The following MAGEE2 variants were observed in gnomAD, a reference collection of about 807,000 sequenced individuals.
MAGEE2 encodes the protein MAGE family member E2, also known as melanoma-associated antigen E2.
For missense variants in MAGEE2, 508 were observed against 391.1 expected, an observed-to-expected ratio of 1.30 and a Z score of -2.52; for synonymous variants, 189 against 155.4, an observed-to-expected ratio of 1.22 and a Z score of -1.61.
Position 75,784,525 on chromosome X carries a change from TTTGG to T in MAGEE2, c.523_526del (p.Pro175LysfsTer7). ...TAGGACTAGGGCCAGGAGACTTGCT[TTTGG>T]CATGTCCAGGGACTCCGCTATCCTA... On this transcript the variant is annotated frameshift_variant, in exon 1 of 1. Coordinates refer to ENST00000373359, the MANE Select transcript of MAGEE2 (RefSeq NM_138703.5). LOFTEE classifies it low-confidence loss of function (END_TRUNC). The T allele has an allele frequency of 8.3e-7, 1 of 1,211,449 alleles. No homozygotes were observed. The highest frequency in any genetic ancestry group is 1.1e-6 in the Non-Finnish European group (1 of 895,395).
Position 75,783,331 on chromosome X carries a change from A to G in MAGEE2, c.*149T>C, listed in dbSNP as rs2087859728. The G allele has an allele frequency of 3.5e-6, 2 of 575,430 alleles. No homozygotes were observed. Among genetic ancestry groups the G allele is most frequent in the Non-Finnish European group, 5.2e-6 (2 of 386,288 alleles). The allele number at this position is 575,430 out of a possible 1,213,427, so 47.4% of individuals were successfully genotyped here. ...AAGAGTATATTAAAAGGAAGGAAATACTACTAGAATTGGAACACAGACAGC... is the reference window on the plus strand; with the variant it reads ...AAGAGTATATTAAAAGGAAGGAAATGCTACTAGAATTGGAACACAGACAGC... On this transcript the variant is annotated 3_prime_UTR_variant, in exon 1 of 1. Transcript: ENST00000373359.
chrX:75,783,734 T>C lies in MAGEE2; in HGVS notation c.1318A>G (p.Ile440Val), dbSNP rs933999638. Residue 440 changes from isoleucine (I) to valine (V), a missense_variant, in exon 1 of 1, where the codon ATC (isoleucine) becomes GTC (valine). By Grantham distance (29) the Ile-to-Val change is conservative (BLOSUM62 3). Transcript: ENST00000373359. ...FSVDVGRKHS[I>V]TRKLMRQRYL... ...CGCTGTCTCATAAGCTTACGGGTGA[T>C]GGAATGCTTTCTCCCTACATCCACA... 8.3e-7 allele frequency: 1 copy of C among 1,211,915 alleles called. No individual in the cohort carries two copies. The highest frequency in any genetic ancestry group is 2.2e-5 in the Admixed American group (1 of 46,054).
At position 75,785,197 on chromosome X, in the gene MAGEE2, C is replaced by G; in HGVS notation, c.-146G>C. ...AGTGAAATCTGGTGTGAAGAGCGAT[C>G]TTTCTACACAAGTGCTGGCCAGCAA... On this transcript the variant is annotated 5_prime_UTR_variant, in exon 1 of 1. Transcript: ENST00000373359. The G allele has an allele frequency of 1.6e-6, 1 of 609,360 alleles. No homozygotes were observed. The highest frequency in any genetic ancestry group is 2.3e-6 in the Non-Finnish European group (1 of 432,411). 50.2% of individuals were successfully genotyped at this position (609,360 alleles called of 1,213,427 possible).
chrX:75,785,020 C>T lies in MAGEE2; in HGVS notation c.32G>A (p.Cys11Tyr), dbSNP rs2087880927. 1 of 1,129,648 alleles carries T rather than the reference C, an allele frequency of 8.9e-7. No homozygotes were observed. Among genetic ancestry groups the T allele is most frequent in the African/African-American group, 1.8e-5 (1 of 54,483 alleles). The allele number at this position is 1,129,648 out of a possible 1,213,427, so 93.1% of individuals were successfully genotyped here. ...GTAATCTGCAGTGATCTCTGCGCTA[C>T]AGTGGCGTGCATTCTGGCTTACCAG... MSLVSQNARH[C>Y]SAEITADYGD... Residue 11 changes from cysteine (C) to tyrosine (Y), a missense_variant, in exon 1 of 1, where the codon TGT becomes TAT. By Grantham distance (194) the Cys-to-Tyr change is radical (BLOSUM62 -2). Transcript: ENST00000373359.
At position 75,784,556 on chromosome X, in the gene MAGEE2, C is replaced by T. The variant is rs778034521; in HGVS notation, c.496G>A (p.Asp166Asn). The T allele has an allele frequency of 5.8e-6, 7 of 1,208,990 alleles. No homozygotes were observed. The highest frequency in any genetic ancestry group is 7.8e-6 in the Non-Finnish European group (7 of 894,869). ...ATGTCCAGGGACTCCGCTATCCTAT[C>T]GGTGATCTGGAAACCCCGTTTGCTG... ...LVSKRGFQIT[D>N]RIAESLDMPK... The change falls in exon 1 of 1, where the codon GAT (aspartate) becomes AAT (asparagine). Residue 166 changes from aspartate (D) to asparagine (N), a missense_variant. By Grantham distance (23) the Asp-to-Asn change is conservative. Coordinates refer to ENST00000373359, the MANE Select transcript of MAGEE2 (RefSeq NM_138703.5).
chrX:75,784,110 C>G lies in MAGEE2; in HGVS notation c.942G>C (p.Lys314Asn), dbSNP rs747762301. Residue 314 changes from lysine to asparagine, a missense_variant, in exon 1 of 1, where the codon AAG becomes AAC. Transcript: ENST00000373359. The stretch of plus-strand genomic sequence containing the variant: ...TAGCCAACTGGACCAAATCATTTGC[C>G]TTATCATTCATAGTGTCCTCCGACC... ...EFWSEDTMND[K>N]ANDLVQLAIS... The G allele has an allele frequency of 8.3e-7, 1 of 1,211,624 alleles. No homozygotes were observed. Among genetic ancestry groups the G allele is most frequent in the South Asian group, 1.8e-5 (1 of 57,006 alleles).
chrX:75,783,918 G>A lies in MAGEE2; in HGVS notation c.1134C>T (p.Tyr378=), dbSNP rs773260239. 8.1e-5 allele frequency: 98 copies of A among 1,209,894 alleles called. No homozygotes were observed. Among genetic ancestry groups the A allele is most frequent in the Non-Finnish European group, 1.1e-4 (96 of 895,202 alleles). The change falls in exon 1 of 1, where the codon TAC becomes TAT. Residue 378 remains tyrosine, a synonymous_variant. Coordinates refer to ENST00000373359, the MANE Select transcript of MAGEE2 (RefSeq NM_138703.5). The part of the protein sequence containing the change: ...LIEVDTSEHI[Y]LLVQQPESEE... ...CTGATTCTGGTTGCTGGACAAGGAG[G>A]TAGATGTGCTCACTGGTATCAACCT...
chrX:75,783,350 A>T lies in MAGEE2; in HGVS notation c.*130T>A, dbSNP rs2087859869. 1 of 741,514 alleles carries T rather than the reference A, an allele frequency of 1.3e-6. No individual in the cohort carries two copies. Among genetic ancestry groups the T allele is most frequent in the African/African-American group, 2.1e-5 (1 of 47,647 alleles). 61.1% of individuals were successfully genotyped at this position (741,514 alleles called of 1,213,427 possible). ...GGAAATACTACTAGAATTGGAACAC[A>T]GACAGCAAGCACAATTTGTACTTCC... is the stretch of plus-strand genomic sequence containing the variant. On this transcript the variant is annotated 3_prime_UTR_variant, in exon 1 of 1. Coordinates refer to ENST00000373359, the MANE Select transcript of MAGEE2 (RefSeq NM_138703.5).
At position 75,783,688 on chromosome X, in the gene MAGEE2, A is replaced by T. The variant is rs764858630; in HGVS notation, c.1364T>A (p.Leu455Gln). 3.3e-6 allele frequency: 4 copies of T among 1,210,023 alleles called. No homozygotes were observed. In the East Asian group the frequency reaches 8.9e-5, roughly 27 times the overall value. The change falls in exon 1 of 1, where the codon CTG (leucine) becomes CAG (glutamine). Residue 455 changes from leucine (L) to glutamine (Q), a missense_variant. Leu to Gln is a moderately radical substitution (Grantham distance 113, BLOSUM62 -2). Transcript: ENST00000373359. Reference sequence around the variant, plus strand: ...ATATTCAACTGGATTAGAGTAGGACAGTGGCCTGCATTCCAGATAGCGCTG... The same window carrying T: ...ATATTCAACTGGATTAGAGTAGGACTGTGGCCTGCATTCCAGATAGCGCTG... Reference protein sequence around the residue: ...MRQRYLECRPLSYSNPVEYEL... With the variant: ...MRQRYLECRPQSYSNPVEYEL...
rs771198777 is a variant in MAGEE2, at chrX:75,783,431, C to T, written c.*49G>A. ...AGCCCCAATGCCTATTTTACCAAGG[C>T]ATCTTTAACTTATGCCACTCAGCTG... On this transcript the variant is annotated 3_prime_UTR_variant, in exon 1 of 1. Coordinates refer to ENST00000373359, the MANE Select transcript of MAGEE2 (RefSeq NM_138703.5). 8.7e-7 allele frequency: 1 copy of T among 1,143,960 alleles called. No homozygotes were observed. Among genetic ancestry groups the T allele is most frequent in the Non-Finnish European group, 1.2e-6 (1 of 861,026 alleles). The allele number at this position is 1,143,960 out of a possible 1,213,427, so 94.3% of individuals were successfully genotyped here.
Position 75,785,089 on chromosome X carries a change from G to A in MAGEE2, c.-38C>T, listed in dbSNP as rs1386493622. 1 of 1,113,853 alleles carries A rather than the reference G, an allele frequency of 9.0e-7. No individual in the cohort carries two copies. The highest frequency in any genetic ancestry group is 2.6e-5 in the South Asian group (1 of 37,856). The allele number at this position is 1,113,853 out of a possible 1,213,427, so 91.8% of individuals were successfully genotyped here. On this transcript the variant is annotated 5_prime_UTR_variant, in exon 1 of 1. Coordinates refer to ENST00000373359, the MANE Select transcript of MAGEE2 (RefSeq NM_138703.5). The stretch of plus-strand genomic sequence containing the variant: ...CAGGAGCGGGAACGGTGAGATCAGC[G>A]ATCAGTCGGAGAGAGGACCGCAGCA...
chrX:75,783,512 C>A lies in MAGEE2; in HGVS notation c.1540G>T (p.Ala514Ser). 1 of 1,208,252 alleles carries A rather than the reference C, an allele frequency of 8.3e-7. No individual in the cohort carries two copies. The highest frequency in any genetic ancestry group is 1.8e-5 in the South Asian group (1 of 56,720). Residue 514 changes from alanine (A) to serine (S), a missense_variant, in exon 1 of 1, where the codon GCA becomes TCA. By Grantham distance (99) the Ala-to-Ser change is moderately conservative. Transcript: ENST00000373359. ...GGGTCAAGGAAAAACATGATAGTTG[C>A]CTCAGATTTGGCTCTGGCCTCCTCA... Reference protein sequence around the residue: ...EDEEARAKSEATIMFFLDPT With the variant: ...EDEEARAKSESTIMFFLDPT
chrX:75,783,995 G>C lies in MAGEE2; in HGVS notation c.1057C>G (p.Leu353Val), dbSNP rs777856551. ...KEFEDVFPNI[L>V]NRATLILDMF... ...TCAAGAATTAGAGTAGCTCTATTGA[G>C]GATATTTGGGAACACATCCTCAAAT... is the stretch of plus-strand genomic sequence containing the variant. Residue 353 changes from leucine (L) to valine (V), a missense_variant, in exon 1 of 1, where the codon CTC becomes GTC. Physicochemically the swap from Leu to Val is conservative, Grantham distance 32. Coordinates refer to ENST00000373359, the MANE Select transcript of MAGEE2 (RefSeq NM_138703.5). 3 of 1,209,668 alleles carry C rather than the reference G, an allele frequency of 2.5e-6. No homozygotes were observed. The Admixed American group carries it at 6.5e-5, about 26-fold the overall frequency.
chrX:75,784,046 C>T lies in MAGEE2; in HGVS notation c.1006G>A (p.Glu336Lys). 1.7e-6 allele frequency: 2 copies of T among 1,209,416 alleles called. No homozygotes were observed. Among genetic ancestry groups the T allele is most frequent in the Non-Finnish European group, 2.2e-6 (2 of 895,549 alleles). The change falls in exon 1 of 1, where the codon GAG (glutamate) becomes AAG (lysine). Residue 336 changes from glutamate to lysine, a missense_variant. Transcript: ENST00000373359. ...TEEMLPIHQD[E>K]LLAHTGKEFE... ...TCTTTGCCAGTGTGAGCCAATAGCT[C>T]ATCCTGATGTATAGGCAGCATCTCC...
In MAGEE2 at chrX:75,784,523, CT is replaced by C. The variant is rs2087873988; in HGVS notation, c.528del (p.Ala177GlnfsTer6). The stretch of plus-strand genomic sequence containing the variant: ...CCTAGGACTAGGGCCAGGAGACTTG[CT>C]TTTGGCATGTCCAGGGACTCCGCTA... ...DRIAESLDMP[K>X]ASLLALVLGH... On this transcript the variant is annotated frameshift_variant, in exon 1 of 1. Transcript: ENST00000373359. LOFTEE classifies it low-confidence loss of function (END_TRUNC). The C allele has an allele frequency of 8.3e-7, 1 of 1,211,617 alleles. No individual in the cohort carries two copies. The highest frequency in any genetic ancestry group is 1.7e-5 in the African/African-American group (1 of 57,767).
rs189642713 is a variant in MAGEE2 at position 75,784,209 on chromosome X, C to T, written c.843G>A (p.Trp281Ter). The T allele has an allele frequency of 6.6e-6, 8 of 1,209,819 alleles. No individual in the cohort carries two copies. The East Asian group carries it at 1.5e-4, about 22-fold the overall frequency. Residue 281 changes from tryptophan (W) to a stop codon, truncating the protein, a stop_gained, in exon 1 of 1, where the codon TGG (tryptophan) becomes TGA (stop). Coordinates refer to ENST00000373359, the MANE Select transcript of MAGEE2 (RefSeq NM_138703.5). LOFTEE classifies it low-confidence loss of function (END_TRUNC). ...SDAHDEEPWS[W>*]PEEYNKALEG... Reference sequence around the variant, plus strand: ...CCAGGGCCTTATTATATTCTTCTGGCCAGCTCCAGGGTTCTTCATCATGGG... The same window carrying T: ...CCAGGGCCTTATTATATTCTTCTGGTCAGCTCCAGGGTTCTTCATCATGGG...
rs1404130292 is a variant in MAGEE2 at position 75,784,294 on chromosome X, C to T, written c.758G>A (p.Trp253Ter). The change falls in exon 1 of 1, where the codon TGG becomes TAG. Residue 253 changes from tryptophan (W) to a stop codon, truncating the protein, a stop_gained. Coordinates refer to ENST00000373359, the MANE Select transcript of MAGEE2 (RefSeq NM_138703.5). LOFTEE classifies it low-confidence loss of function (END_TRUNC). ...GATTTCCCTGTGGGCTCTAGAGCCC[C>T]ACAAGAACTCAAACTCAAGGGGATT... ...GTNPLEFEFL[W>*]GSRAHREITK... 5 of 1,211,514 alleles carry T rather than the reference C, an allele frequency of 4.1e-6. No homozygotes were observed. Among genetic ancestry groups the T allele is most frequent in the South Asian group, 1.8e-5 (1 of 56,929 alleles).
chrX:75,784,195 T>G lies in MAGEE2; in HGVS notation c.857A>C (p.Asn286Thr), dbSNP rs1389245713. ...EEPWSWPEEY[N>T]KALEGDKTKE... Reference sequence around the variant, plus strand: ...GGTTTTGTCACCTTCCAGGGCCTTATTATATTCTTCTGGCCAGCTCCAGGG... The same window carrying G: ...GGTTTTGTCACCTTCCAGGGCCTTAGTATATTCTTCTGGCCAGCTCCAGGG... The change falls in exon 1 of 1, where the codon AAT (asparagine) becomes ACT (threonine). Residue 286 changes from asparagine (N) to threonine (T), a missense_variant. Physicochemically the swap from Asn to Thr is moderately conservative, Grantham distance 65. Coordinates refer to ENST00000373359, the MANE Select transcript of MAGEE2 (RefSeq NM_138703.5). The G allele has an allele frequency of 1.7e-6, 2 of 1,209,861 alleles. No homozygotes were observed. The highest frequency in any genetic ancestry group is 3.5e-5 in the African/African-American group (2 of 57,087).
rs761781381 is a variant in MAGEE2 at position 75,785,039 on chromosome X, T to C, written c.13A>G (p.Ser5Gly). 2 of 1,123,031 alleles carry C rather than the reference T, an allele frequency of 1.8e-6. No individual in the cohort carries two copies. The highest frequency in any genetic ancestry group is 6.1e-5 in the Admixed American group (2 of 32,883). The allele number at this position is 1,123,031 out of a possible 1,213,427, so 92.6% of individuals were successfully genotyped here. A position where few individuals can be genotyped will look rare whatever the true frequency, so the allele number is the denominator to read the frequency against. Residue 5 changes from serine (S) to glycine (G), a missense_variant, in exon 1 of 1, where the codon AGC (serine) becomes GGC (glycine). Transcript: ENST00000373359. ...GCGCTACAGTGGCGTGCATTCTGGCTTACCAGAGACATGGTTCCAGGAGAC... is the reference window on the plus strand; with the variant it reads ...GCGCTACAGTGGCGTGCATTCTGGCCTACCAGAGACATGGTTCCAGGAGAC... The part of the protein sequence containing the change: MSLV[S>G]QNARHCSAEI...
Sources: gnomAD v4.1 joint callset for allele counts on GRCh38, gnomAD v4.1.1 for gene constraint, MANE v1.5 for transcripts, NCBI Gene and HGNC (gene_info 2026-07-23, HGNC 2026-07-21) for gene names.